The following NPAS3 variants were observed in gnomAD, a reference collection of about 807,000 sequenced individuals.
The protein encoded by NPAS3 is neuronal PAS domain protein 3, also known as neuronal PAS domain-containing protein 3.
In NPAS3, 14 loss-of-function variants were observed where a neutral mutation model predicts 73.1. That is an observed-to-expected ratio of 0.19 (90% CI 0.13 to 0.30). The LOEUF (loss-of-function observed/expected upper bound fraction) is 0.30, where lower values mean the gene tolerates loss of function less well. Ranked by LOEUF, NPAS3 falls within the 10% of genes least tolerant of loss-of-function variation. The pLI, the probability that NPAS3 is intolerant of heterozygous loss-of-function variation, is 1.00. For synonymous variants in NPAS3, 620 were observed against 541.5 expected, an observed-to-expected ratio of 1.14 and a Z score of -2.01; for missense variants, 1,096 against 1,250.0, an observed-to-expected ratio of 0.88 and a Z score of 1.86.
At chr14:33,737,388 A>G (rs532084817) in intron 7 of NPAS3, among the ~76,000 whole-genome samples, 1 of 152,322 alleles carries the variant, frequency 6.6e-6, no homozygotes, top group South Asian at 2.1e-4. Flanking sequence ...CAAAAGACGT[A>G]AAAGTGCAAC....
chr14:33,683,129 AT>A (rs1280048958), intron 6 of NPAS3, among the ~76,000 whole-genome samples: 1 of 152,176 alleles, frequency 6.6e-6, no homozygotes, highest in Non-Finnish European at 1.5e-5. Flanking sequence ...ATATAAATTA[AT>A]ACAGTGATAT....
At chr14:33,658,491 C>T (rs1358088250) in intron 5 of NPAS3, among the ~76,000 whole-genome samples, 1 of 152,200 alleles carries the variant, frequency 6.6e-6, no homozygotes. Flanking sequence ...GGTTCTCCCT[C>T]TACTTCCATC....
intron 3 of NPAS3, among the ~76,000 whole-genome samples, chr14:33,282,888 T>A (rs2041687050): frequency 6.6e-6 from 1 of 152,190 alleles, no homozygotes; most frequent in African/African-American, 2.4e-5. Context: ...TATTTTAAAA[T>A]CCATTTTAAA....
intron 1 of NPAS3, among the ~76,000 whole-genome samples, chr14:33,028,517 T>C (rs1200856930): frequency 1.8e-4 from 27 of 152,238 alleles, no homozygotes; most frequent in Admixed American, 1.8e-3. Flanking sequence ...TTTCTTTTCA[T>C]GCTGGAGTTT....
At chr14:33,136,862 A>G (rs908907248) in intron 2 of NPAS3, among the ~76,000 whole-genome samples, 1 of 152,196 alleles carries the variant, frequency 6.6e-6, no homozygotes, top group African/African-American at 2.4e-5. Flanking sequence ...TTCCTGATCT[A>G]TGGAAGAAGG....
At chr14:33,058,573 G>A (rs1198855550) in intron 2 of NPAS3, among the ~76,000 whole-genome samples, 2 of 152,112 alleles carry the variant, frequency 1.3e-5, no homozygotes, top group East Asian at 3.9e-4. Context: ...CTAACTCTTG[G>A]TTACTATTCA....
At chr14:33,471,802 G>C in intron 4 of NPAS3, among the ~76,000 whole-genome samples, 1 of 152,234 alleles carries the variant, frequency 6.6e-6, no homozygotes. Flanking sequence ...GAACTGGGCT[G>C]CACAACAGGA....
chr14:33,050,124 A>G (rs1424222535), intron 1 of NPAS3, among the ~76,000 whole-genome samples: 1 of 151,918 alleles, frequency 6.6e-6, no homozygotes, highest in Non-Finnish European at 1.5e-5. Context: ...GTCAAAGTCA[A>G]CTCTTCCAAT....
intron 5 of NPAS3, among the ~76,000 whole-genome samples, chr14:33,569,702 GT>G (rs1391495890): frequency 6.6e-6 from 1 of 152,082 alleles, no homozygotes; most frequent in African/African-American, 2.4e-5. Context: ...GAACCTCTGA[GT>G]TTTATTCTAT....
At chr14:33,126,491 G>A (rs926360834) in intron 2 of NPAS3, among the ~76,000 whole-genome samples, 3 of 152,100 alleles carry the variant, frequency 2.0e-5, no homozygotes, top group African/African-American at 7.2e-5. Context: ...GTGCAGGGCT[G>A]GGGATGGGAG....
At chr14:32,964,526 G>A (rs2037069121) in intron 1 of NPAS3, among the ~76,000 whole-genome samples, 1 of 92,942 alleles carries the variant, frequency 1.1e-5, no homozygotes, top group East Asian at 2.4e-4. Context: ...TATAAATAGA[G>A]AAAGAAATAT....
At chr14:33,017,038 T>G (rs1011265398) in intron 1 of NPAS3, among the ~76,000 whole-genome samples, 5 of 152,156 alleles carry the variant, frequency 3.3e-5, no homozygotes, top group Admixed American at 6.5e-5. Context: ...CTCAAGTAAG[T>G]GTAGAGATTC....
intron 1 of NPAS3, among the ~76,000 whole-genome samples, chr14:33,054,996 G>T (rs1342863700): frequency 6.6e-6 from 1 of 151,942 alleles, no homozygotes; most frequent in Non-Finnish European, 1.5e-5. Flanking sequence ...ACTGGCTTAG[G>T]GATTAGACAT....
chr14:33,737,955 A>G (rs2061564335), intron 7 of NPAS3, among the ~76,000 whole-genome samples: 1 of 152,184 alleles, frequency 6.6e-6, no homozygotes, highest in African/African-American at 2.4e-5. Flanking sequence ...GCAGGCCACT[A>G]TATTTCTGTC....
At chr14:33,153,768 C>T (rs1412348674) in intron 2 of NPAS3, among the ~76,000 whole-genome samples, 1 of 152,142 alleles carries the variant, frequency 6.6e-6, no homozygotes, top group Non-Finnish European at 1.5e-5. Flanking sequence ...GTGACTGGTA[C>T]TCCGAGTCCT....
chr14:33,465,347 C>T (rs2050458345), intron 4 of NPAS3, among the ~76,000 whole-genome samples: 1 of 152,094 alleles, frequency 6.6e-6, no homozygotes, highest in South Asian at 2.1e-4. Context: ...ACGTTAAATG[C>T]CTACTATGCA....
In NPAS3 at chr14:33,391,125, A is replaced by T. The variant is rs372184694; in HGVS notation, c.468+23857A>T. ...GAAATAGTGTAAAACAAAAACAAAT[A>T]ATCAAATATTAAGAGACAATAATAG... On this transcript the variant is annotated intron_variant, in intron 4 of 11. Transcript: ENST00000356141. Among the ~76,000 whole-genome samples, 35 of 152,238 alleles carry T rather than the reference A, an allele frequency of 2.3e-4. 2 individuals carry two copies. Among genetic ancestry groups the T allele is most frequent in the African/African-American group, 1.2e-4 (5 of 41,550 alleles).
chr14:33,783,035 G>A (rs2063029937), intron 9 of NPAS3, among the ~76,000 whole-genome samples: 1 of 152,144 alleles, frequency 6.6e-6, no homozygotes, highest in African/African-American at 2.4e-5. Context: ...CTTCCAGTCT[G>A]CAGGCCCTCC....
intron 7 of NPAS3, among the ~76,000 whole-genome samples, chr14:33,752,378 C>A (rs1386499991): frequency 6.6e-6 from 1 of 152,004 alleles, no homozygotes; most frequent in East Asian, 1.9e-4. Context: ...CATGCAAGAG[C>A]CATTTAAGAG....
Sources: allele counts gnomAD v4.1 joint callset (sites outside exome capture counted in the v4.1 genomes callset), GRCh38; gene constraint gnomAD v4.1.1; transcripts MANE v1.5; gene names NCBI Gene and HGNC (gene_info 2026-07-23, HGNC 2026-07-21).